LGALS9C: variants seen among roughly 807,000 people sequenced by gnomAD.
LGALS9C encodes the protein galectin 9C, also known as galectin-9C.
In LGALS9C, 7 loss-of-function variants were observed where a neutral mutation model predicts 41.3. That is an observed-to-expected ratio of 0.17 (90% confidence interval 0.10 to 0.32). The LOEUF is 0.32. Ranked by LOEUF, LGALS9C falls within the 10% of genes least tolerant of loss-of-function variation. The probability of loss-of-function intolerance (pLI) is 1.00; values close to 1 mark genes in which losing one functional copy is unlikely to be tolerated. For missense variants in LGALS9C, 102 were observed against 455.2 expected, an observed-to-expected ratio of 0.22 and a Z score of 7.06; for synonymous variants, 44 against 171.0, an observed-to-expected ratio of 0.26 and a Z score of 5.80.
Position 18,479,372 on chromosome 17 carries a change from C to A in LGALS9C, c.39+2479C>A, listed in dbSNP as rs534753733. ...AGGCTCAGCACATGGCATCGCACCC[C>A]GTCCTCTCAGAACGCTGCCAGCCAG... On this transcript the variant is annotated intron_variant, in intron 1 of 10. Coordinates refer to ENST00000328114, the MANE Select transcript of LGALS9C (RefSeq NM_001040078.3). 1.5e-5 allele frequency among the ~76,000 whole-genome samples: 2 copies of A among 129,776 alleles called. 1 individual carries two copies. The highest frequency in any genetic ancestry group is 1.5e-4 in the Admixed American group (2 of 13,514). The allele number at this position is 129,776 out of a possible 152,430, so 85.1% of individuals were successfully genotyped here.
chr17:18,480,952 C>CA (rs569199765), intron 1 of LGALS9C, among the ~76,000 whole-genome samples: 1 of 146,332 alleles, frequency 6.8e-6, no homozygotes, highest in Non-Finnish European at 1.5e-5. Context: ...CTGGTCTTTT[C>CA]AAAAAAATTT....
chr17:18,479,772 GAGGGCAGATGTTAAA>G (rs1342214388), intron 1 of LGALS9C, among the ~76,000 whole-genome samples: 3 of 127,126 alleles, frequency 2.4e-5, no homozygotes, highest in African/African-American at 7.6e-5. Context: ...AATGATTCTG[GAGGGCAGATGTTAAA>G]ATCATCGTGT....
At chr17:18,488,641 G>A (rs1167294181) in intron 4 of LGALS9C, among the ~76,000 whole-genome samples, 2 of 121,514 alleles carry the variant, frequency 1.6e-5, no homozygotes, top group African/African-American at 2.7e-5. Context: ...TGAGCGAAGT[G>A]CACAGTAGGC....
rs553725279 is a variant in LGALS9C, at chr17:18,476,919, G to A, written c.39+26G>A. 2.1e-5 allele frequency: 34 copies of A among 1,591,116 alleles called. No individual in the cohort carries two copies. In the South Asian group the frequency reaches 3.6e-4, roughly 17 times the overall value. On this transcript the variant is annotated intron_variant, in intron 1 of 10. Transcript: ENST00000328114. ...GTGAGTTCCGGGGCCGTGGGCACAG[G>A]GCTGCCTCAGCCAGGGGGACACAGT...
At chr17:18,484,779 A>G (rs1989531568) in intron 2 of LGALS9C, among the ~76,000 whole-genome samples, 1 of 150,904 alleles carries the variant, frequency 6.6e-6, no homozygotes, top group African/African-American at 2.4e-5. Context: ...CAGCTCCGCC[A>G]CCTAGATTCT....
chr17:18,482,872 G>T lies in LGALS9C; in HGVS notation c.40-1003G>T, dbSNP rs1311341081. ...CATTTCGGAATAAACTTTGAAAATT[G>T]GAAGTACCAGTTTGTGAATTTTGCT... On this transcript the variant is annotated intron_variant, in intron 1 of 10. Coordinates refer to ENST00000328114, the MANE Select transcript of LGALS9C (RefSeq NM_001040078.3). 2.4e-5 allele frequency among the ~76,000 whole-genome samples: 3 copies of T among 124,862 alleles called. 1 individual carries two copies. Among genetic ancestry groups the T allele is most frequent in the Non-Finnish European group, 5.8e-5 (3 of 51,562 alleles). 81.9% of individuals were successfully genotyped at this position (124,862 alleles called of 152,430 possible). A position where few individuals can be genotyped will look rare whatever the true frequency, so the allele number is the denominator to read the frequency against.
rs1989954962 is a variant in LGALS9C, at chr17:18,494,945, A to C, written c.*578A>C. ...AATGAAAATGCTTGTTGGCACATTC[A>C]TGTGGGTTGACTGTGGCTTCTTTAA... is the stretch of plus-strand genomic sequence containing the variant. On this transcript the variant is annotated 3_prime_UTR_variant, in exon 11 of 11. Coordinates refer to ENST00000328114, the MANE Select transcript of LGALS9C (RefSeq NM_001040078.3). The C allele has an allele frequency of 7.6e-6, 1 of 132,286 alleles. No homozygotes were observed. Among genetic ancestry groups the C allele is most frequent in the Non-Finnish European group, 1.8e-5 (1 of 54,812 alleles). The allele number at this position is 132,286 out of a possible 1,614,324, so 8.2% of individuals were successfully genotyped here.
chr17:18,494,014 C>T lies in LGALS9C; in HGVS notation c.925-207C>T, dbSNP rs199652087. Among the ~76,000 whole-genome samples the T allele has an allele frequency of 1.6e-4, 21 of 128,454 alleles. 2 individuals carry two copies. Among genetic ancestry groups the T allele is most frequent in the East Asian group, 2.0e-4 (1 of 5,058 alleles). 84.3% of individuals were successfully genotyped at this position (128,454 alleles called of 152,430 possible). A position where few individuals can be genotyped will look rare whatever the true frequency, so the allele number is the denominator to read the frequency against. On this transcript the variant is annotated intron_variant, in intron 10 of 10. Transcript: ENST00000328114. Reference sequence around the variant, plus strand: ...AGGCCAGTGCTCCTGTCCCTGATGTCGTGGGAACAGTATTCTACGCCAGGG... The same window carrying T: ...AGGCCAGTGCTCCTGTCCCTGATGTTGTGGGAACAGTATTCTACGCCAGGG...
chr17:18,491,101 G>A lies in LGALS9C; in HGVS notation c.577-172G>A, dbSNP rs1989787740. 2 of 984,568 alleles carry A rather than the reference G, an allele frequency of 2.0e-6. 1 individual carries two copies. Among genetic ancestry groups the A allele is most frequent in the African/African-American group, 3.6e-5 (2 of 56,050 alleles). 61.0% of individuals were successfully genotyped at this position (984,568 alleles called of 1,614,324 possible). A position where few individuals can be genotyped will look rare whatever the true frequency, so the allele number is the denominator to read the frequency against. On this transcript the variant is annotated intron_variant, in intron 6 of 10. Coordinates refer to ENST00000328114, the MANE Select transcript of LGALS9C (RefSeq NM_001040078.3). ...CAGCGTCCCCATCTGTCTTCTCCAGGGTCCTAACCTTTGCCTCTCCCTCGT... is the reference window on the plus strand; with the variant it reads ...CAGCGTCCCCATCTGTCTTCTCCAGAGTCCTAACCTTTGCCTCTCCCTCGT...
chr17:18,479,247 T>A (rs1989311389), intron 1 of LGALS9C, among the ~76,000 whole-genome samples: 1 of 127,158 alleles, frequency 7.9e-6, no homozygotes, highest in African/African-American at 2.5e-5. Context: ...AAGTCCCCGG[T>A]CTCTGGGCAC....
chr17:18,492,745 C>A lies in LGALS9C; in HGVS notation c.810C>A (p.Asn270Lys), dbSNP rs776343487. ...GGAGCCACATCGCCTTCCACATGAA[C>A]CCCCGTTTTGATGAGAATGCTGTGG... ...CSGSHIAFHMNPRFDENAVVR... is the reference protein window; with the variant it reads ...CSGSHIAFHMKPRFDENAVVR... The change falls in exon 10 of 11, where the codon AAC (asparagine) becomes AAA (lysine). Residue 270 changes from asparagine (N) to lysine (K), a missense_variant. Transcript: ENST00000328114. The A allele has an allele frequency of 1.3e-4, 191 of 1,506,144 alleles. 16 individuals are homozygous for A. Among genetic ancestry groups the A allele is most frequent in the Non-Finnish European group, 1.3e-4 (146 of 1,092,338 alleles). 93.3% of individuals were successfully genotyped at this position (1,506,144 alleles called of 1,614,324 possible).
chr17:18,478,494 A>C (rs1567837891), intron 1 of LGALS9C, among the ~76,000 whole-genome samples: 1 of 124,022 alleles, frequency 8.1e-6, no homozygotes, highest in Non-Finnish European at 2.0e-5. Context: ...AGTCGGAGTC[A>C]CGCTTTCTCC....
rs1316940585 is a variant in LGALS9C at position 18,494,688 on chromosome 17, C to G, written c.*321C>G. 5 of 405,262 alleles carry G rather than the reference C, an allele frequency of 1.2e-5. No homozygotes were observed. The highest frequency in any genetic ancestry group is 7.9e-5 in the African/African-American group (4 of 50,904). 25.1% of individuals were successfully genotyped at this position (405,262 alleles called of 1,614,324 possible). On this transcript the variant is annotated 3_prime_UTR_variant, in exon 11 of 11. Coordinates refer to ENST00000328114, the MANE Select transcript of LGALS9C (RefSeq NM_001040078.3). ...AGCCCCATGCTCAGTCCCCTCCCATCCCCCACGCAGCTCCACCCCAGTCTC... is the reference window on the plus strand; with the variant it reads ...AGCCCCATGCTCAGTCCCCTCCCATGCCCCACGCAGCTCCACCCCAGTCTC...
chr17:18,492,678 G>A lies in LGALS9C; in HGVS notation c.762-19G>A, dbSNP rs142011239. Reference sequence around the variant, plus strand: ...TCAGAACTCAGTGGACAAAGGTCCAGGTAGGCTGCCCACCCCAGGTTCCAC... The same window carrying A: ...TCAGAACTCAGTGGACAAAGGTCCAAGTAGGCTGCCCACCCCAGGTTCCAC... On this transcript the variant is annotated intron_variant, in intron 9 of 10. Coordinates refer to ENST00000328114, the MANE Select transcript of LGALS9C (RefSeq NM_001040078.3). 119,804 of 1,456,374 alleles carry A rather than the reference G, an allele frequency of 0.082. 5,563 individuals carry two copies. Among genetic ancestry groups the A allele is most frequent in the African/African-American group, 0.22 (15,012 of 68,426 alleles). The allele number at this position is 1,456,374 out of a possible 1,614,324, so 90.2% of individuals were successfully genotyped here.
chr17:18,488,129 C>T (rs1442146462), intron 4 of LGALS9C, among the ~76,000 whole-genome samples: 2 of 130,464 alleles, frequency 1.5e-5, no homozygotes, highest in Non-Finnish European at 3.7e-5. Context: ...GGATCTTAGA[C>T]AAGCAACTTT....
chr17:18,478,526 G>T (rs558703992), intron 1 of LGALS9C, among the ~76,000 whole-genome samples: 5 of 129,422 alleles, frequency 3.9e-5, no homozygotes, highest in East Asian at 2.0e-4. Context: ...GTGGGGGAAG[G>T]TCACGCGGTT....
chr17:18,478,294 C>T (rs1322375959), intron 1 of LGALS9C, among the ~76,000 whole-genome samples: 3 of 126,614 alleles, frequency 2.4e-5, no homozygotes, highest in Admixed American at 7.7e-5. Context: ...TTTTTACTTT[C>T]TAATCTTTGG....
Position 18,494,373 on chromosome 17 carries a change from TC to T in LGALS9C, c.*9del. 6.5e-7 allele frequency: 1 copy of T among 1,542,420 alleles called. No individual in the cohort carries two copies. The highest frequency in any genetic ancestry group is 8.9e-7 in the Non-Finnish European group (1 of 1,129,112). On this transcript the variant is annotated 3_prime_UTR_variant, in exon 11 of 11. Coordinates refer to ENST00000328114, the MANE Select transcript of LGALS9C (RefSeq NM_001040078.3). ...TGACCCACGTGCAGACATAGGCGGCTCCCTGGCCCTGGGGCCGGGGGCTGGG... is the reference window on the plus strand; with the variant it reads ...TGACCCACGTGCAGACATAGGCGGCTCCTGGCCCTGGGGCCGGGGGCTGGG...
chr17:18,494,405 G>C lies in LGALS9C; in HGVS notation c.*38G>C. On this transcript the variant is annotated 3_prime_UTR_variant, in exon 11 of 11. Transcript: ENST00000328114. ...CCCTGGGGCCGGGGGCTGGGGTGTGGGGCAGTCTGGGTCCTCTCATCATCC... is the reference window on the plus strand; with the variant it reads ...CCCTGGGGCCGGGGGCTGGGGTGTGCGGCAGTCTGGGTCCTCTCATCATCC... 2 of 1,550,826 alleles carry C rather than the reference G, an allele frequency of 1.3e-6. No individual in the cohort carries two copies.
Sources: gnomAD v4.1 joint callset for allele counts (sites outside exome capture counted in the v4.1 genomes callset) on GRCh38, gnomAD v4.1.1 for gene constraint, MANE v1.5 for transcripts, NCBI Gene and HGNC (gene_info 2026-07-23, HGNC 2026-07-21) for gene names.